The following MAP3K9 variants were observed in gnomAD, a reference collection of about 807,000 sequenced individuals.
MAP3K9 encodes mixed lineage kinase 1 (tyr and ser/thr specificity).
A neutral mutation model predicts 95.8 loss-of-function variants in MAP3K9; 46 were observed. The observed-to-expected ratio is 0.48, with a 90% CI of 0.38 to 0.61. The LOEUF (loss-of-function observed/expected upper bound fraction) is 0.61, where lower values mean the gene tolerates loss of function less well. Among genes scored for constraint, MAP3K9 ranks in the 20% least tolerant of loss-of-function variants. MAP3K9 has a pLI of 0.00. For synonymous variants in MAP3K9, 533 were observed against 593.8 expected, an observed-to-expected ratio of 0.90 and a Z score of 1.49; for missense variants, 1,296 against 1,474.3, an observed-to-expected ratio of 0.88 and a Z score of 1.98.
intron 5 of MAP3K9, 107 bp downstream of exon 5, chr14:70,748,721 TG>T: frequency 1.3e-6 from 1 of 787,622 alleles, no homozygotes; most frequent in Non-Finnish European, 2.0e-6. Flanking sequence ...AGAATCAAGA[TG>T]GTCAGTCAGA....
intron 2 of MAP3K9, among the ~76,000 whole-genome samples, chr14:70,767,158 C>A (rs538114203): frequency 2.6e-5 from 4 of 151,994 alleles, no homozygotes; most frequent in East Asian, 1.9e-4. Context: ...CTGAGGTGGG[C>A]GGGTCACCTG....
At chr14:70,784,050 G>A (rs1349197165) in intron 2 of MAP3K9, among the ~76,000 whole-genome samples, 4 of 152,134 alleles carry the variant, frequency 2.6e-5, no homozygotes, top group South Asian at 4.1e-4. Flanking sequence ...TTGGGAGGCC[G>A]AGGCAGGCAG....
intron 4 of MAP3K9, chr14:70,749,673 A>C: frequency 2.5e-6 from 1 of 405,238 alleles, no homozygotes; most frequent in Non-Finnish European, 4.4e-6. Context: ...TTTTGCATTA[A>C]ATGATAATAT....
chr14:70,801,318 A>T (rs1389031541), intron 1 of MAP3K9, among the ~76,000 whole-genome samples: 1 of 152,230 alleles, frequency 6.6e-6, no homozygotes, highest in Non-Finnish European at 1.5e-5. Flanking sequence ...ATGAAAAAAA[A>T]TCCCACCTGG....
chr14:70,733,649 T>A (rs2053944786), intron 10 of MAP3K9: 2 of 705,690 alleles, frequency 2.8e-6, no homozygotes, highest in Admixed American at 2.0e-5. Flanking sequence ...TTGACTGGAC[T>A]GAGGGATGCC....
At chr14:70,741,817 T>C (rs1018337936) in intron 6 of MAP3K9, among the ~76,000 whole-genome samples, 2 of 152,118 alleles carry the variant, frequency 1.3e-5, no homozygotes, top group African/African-American at 4.8e-5. Context: ...CGTGGTGGCA[T>C]GCGCCTGTAA....
At chr14:70,779,226 A>T (rs1436557801) in intron 2 of MAP3K9, among the ~76,000 whole-genome samples, 1 of 152,222 alleles carries the variant, frequency 6.6e-6, no homozygotes, top group Non-Finnish European at 1.5e-5. Context: ...CTTGGAAATG[A>T]CCCTGGAGTC....
intron 11 of MAP3K9, among the ~76,000 whole-genome samples, chr14:70,731,738 T>C (rs1326712563): frequency 6.6e-6 from 1 of 152,174 alleles, no homozygotes; most frequent in Non-Finnish European, 1.5e-5. Context: ...AGGTCACATA[T>C]CTGAGTATAA....
At chr14:70,790,747 G>T (rs2054798773) in intron 2 of MAP3K9, among the ~76,000 whole-genome samples, 1 of 152,134 alleles carries the variant, frequency 6.6e-6, no homozygotes, top group South Asian at 2.1e-4. Flanking sequence ...GCTGTCAGGG[G>T]TATTGAAGGG....
At chr14:70,773,870 G>C (rs1356500172) in intron 2 of MAP3K9, among the ~76,000 whole-genome samples, 1 of 152,164 alleles carries the variant, frequency 6.6e-6, no homozygotes, top group East Asian at 1.9e-4. Context: ...ACTTATTTCA[G>C]CTAGTGTTAC....
intron 2 of MAP3K9, among the ~76,000 whole-genome samples, chr14:70,764,160 T>C (rs2054414452): frequency 1.0e-5 from 1 of 100,314 alleles, no homozygotes; most frequent in African/African-American, 3.9e-5. Context: ...CAGTCCGCAG[T>C]CCGGCCTGGG....
intron 1 of MAP3K9, among the ~76,000 whole-genome samples, chr14:70,806,730 T>G (rs1051935681): frequency 6.6e-6 from 1 of 152,200 alleles, no homozygotes; most frequent in Non-Finnish European, 1.5e-5. Context: ...GAGCACAAGA[T>G]ATTGAAGAAA....
At chr14:70,733,764 G>T (rs1233435565) in intron 10 of MAP3K9, 1 of 718,356 alleles carries the variant, frequency 1.4e-6, no homozygotes, top group Non-Finnish European at 2.6e-6. Context: ...CACCTTCAAT[G>T]TCGATGGGCA....
At chr14:70,797,061 A>G (rs887207702) in intron 2 of MAP3K9, among the ~76,000 whole-genome samples, 6 of 152,220 alleles carry the variant, frequency 3.9e-5, no homozygotes, top group Admixed American at 3.3e-4. Flanking sequence ...GATGACCAAG[A>G]TAATAAAACA....
chr14:70,734,617 G>A (rs1198061769), intron 9 of MAP3K9, 119 bp from the exon 10 acceptor site: 1 of 655,410 alleles, frequency 1.5e-6, no homozygotes, highest in Non-Finnish European at 2.7e-6. Flanking sequence ...AAGAACCTTG[G>A]AGTACATACA....
intron 2 of MAP3K9, among the ~76,000 whole-genome samples, chr14:70,799,565 T>C (rs1307945592): frequency 6.6e-6 from 1 of 151,794 alleles, no homozygotes; most frequent in Non-Finnish European, 1.5e-5. Context: ...GGTCTCGATC[T>C]CCTGACCTCA....
In MAP3K9 at chr14:70,778,596, A is replaced by G. The variant is rs544006493; in HGVS notation, c.821-17414T>C. ...AGGCCAAACTTCTCTCATTCTGGCC[A>G]TATAAGTCTACACCTATAACACTGT... On this transcript the variant is annotated intron_variant, in intron 2 of 11. Coordinates refer to ENST00000554752, the MANE Select transcript of MAP3K9 (RefSeq NM_001284230.2). Among the ~76,000 whole-genome samples the G allele has an allele frequency of 1.2e-4, 18 of 152,290 alleles. No individual in the cohort carries two copies. In the East Asian group the frequency reaches 2.7e-3, roughly 23 times the overall value.
At chr14:70,748,060 T>C (rs1252337391) in intron 5 of MAP3K9, among the ~76,000 whole-genome samples, 1 of 146,002 alleles carries the variant, frequency 6.8e-6, no homozygotes, top group Non-Finnish European at 1.5e-5. Flanking sequence ...TGAGCTGAGA[T>C]CGTGCCACTG....
chr14:70,768,246 A>C (rs1279536941), intron 2 of MAP3K9, among the ~76,000 whole-genome samples: 2 of 152,180 alleles, frequency 1.3e-5, no homozygotes. Context: ...CCTGTATCAC[A>C]ATATCTCATG....
Sources: allele counts gnomAD v4.1 joint callset (sites outside exome capture counted in the v4.1 genomes callset), GRCh38; gene constraint gnomAD v4.1.1; transcripts MANE v1.5; gene names NCBI Gene and HGNC (gene_info 2026-07-23, HGNC 2026-07-21).